Variants in DRC10 observed in about 807,000 individuals in gnomAD.
The protein encoded by DRC10 is dynein regulatory complex subunit 10.
the DRC10 span, among the ~76,000 whole-genome samples, chr12:113,211,588 C>T: frequency 6.6e-6 from 1 of 151,352 alleles, no homozygotes; most frequent in East Asian, 2.0e-4. Flanking sequence ...ATGATCAGGC[C>T]ACTGCATTCC....
chr12:113,211,207 G>A, the DRC10 span, among the ~76,000 whole-genome samples: 1 of 152,082 alleles, frequency 6.6e-6, no homozygotes, highest in Admixed American at 6.6e-5. Context: ...TCATGCTCCC[G>A]AGTAGCTGAT....
chr12:113,200,947 T>C, the DRC10 span: 1 of 617,622 alleles, frequency 1.6e-6, no homozygotes, highest in Non-Finnish European at 2.8e-6. Flanking sequence ...GAGACCAGCC[T>C]GGCTAACATG....
chr12:113,203,204 A>C, the DRC10 span: 2 of 325,834 alleles, frequency 6.1e-6, no homozygotes, highest in Admixed American at 3.8e-5. Flanking sequence ...TTTGTCTTTT[A>C]CGTAGAGACA....
the DRC10 span, among the ~76,000 whole-genome samples, chr12:113,201,397 A>G: frequency 6.6e-6 from 1 of 152,198 alleles, no homozygotes; most frequent in South Asian, 2.1e-4. Context: ...GTTCTTGGCC[A>G]CCACTTTCTA....
chr12:113,211,506 G>GT, the DRC10 span, among the ~76,000 whole-genome samples: 1 of 152,116 alleles, frequency 6.6e-6, no homozygotes, highest in African/African-American at 2.4e-5. Flanking sequence ...GTTCACGCCC[G>GT]TAATCCCAAC....
the DRC10 span, chr12:113,200,717 C>T: frequency 1.3e-6 from 2 of 1,536,206 alleles, no homozygotes; most frequent in Non-Finnish European, 1.7e-6. Flanking sequence ...TGCTTCTCAG[C>T]CTCCTGCTTA....
chr12:113,212,136 T>A, the DRC10 span, among the ~76,000 whole-genome samples: 1 of 151,608 alleles, frequency 6.6e-6, no homozygotes, highest in South Asian at 2.1e-4. Context: ...AATGGTGTGA[T>A]TTGGGCTCAC....
chr12:113,207,595 C>A, the DRC10 span: 1 of 1,614,162 alleles, frequency 6.2e-7, no homozygotes, highest in Admixed American at 1.7e-5. Context: ...CAGGAAACCA[C>A]GGAGCTCTAT....
At chr12:113,207,292 G>C in the DRC10 span, 2 of 749,110 alleles carry the variant, frequency 2.7e-6, no homozygotes, top group Non-Finnish European at 4.8e-6. Context: ...AGGTTGCAGT[G>C]AGTCGAGATT....
chr12:113,218,069 A>G, the DRC10 span, among the ~76,000 whole-genome samples: 9 of 152,102 alleles, frequency 5.9e-5, no homozygotes, highest in Non-Finnish European at 5.9e-5. Flanking sequence ...AATTGGCAGG[A>G]TAGTTCCCCA....
At chr12:113,202,935 T>A in the DRC10 span, 1 of 392,818 alleles carries the variant, frequency 2.5e-6, no homozygotes. Flanking sequence ...CACAGGGTTT[T>A]TGTAAAGATT....
At chr12:113,207,570 G>A in the DRC10 span, 2 of 1,614,122 alleles carry the variant, frequency 1.2e-6, no homozygotes, top group Non-Finnish European at 1.7e-6. Context: ...TGGGACTAGT[G>A]AGTAGTTTTT....
the DRC10 span, among the ~76,000 whole-genome samples, chr12:113,202,268 C>T: frequency 6.6e-6 from 1 of 151,448 alleles, no homozygotes. Context: ...CCCCTCAAGA[C>T]CACACAAATC....
the DRC10 span, among the ~76,000 whole-genome samples, chr12:113,220,522 G>C: frequency 6.6e-6 from 1 of 152,130 alleles, no homozygotes; most frequent in African/African-American, 2.4e-5. Flanking sequence ...CCAAAGTGCT[G>C]GGATTACAGG....
the DRC10 span, among the ~76,000 whole-genome samples, chr12:113,217,068 A>G: frequency 1.3e-5 from 2 of 152,282 alleles, no homozygotes; most frequent in African/African-American, 4.8e-5. Context: ...CAGCCTGGGC[A>G]ACAGAGAAAG....
chr12:113,217,641 C>T, the DRC10 span, among the ~76,000 whole-genome samples: 2 of 152,196 alleles, frequency 1.3e-5, no homozygotes. Context: ...AAGCAATTCT[C>T]GTGCCTCAGC....
chr12:113,203,086 T>A, the DRC10 span: 1 of 449,864 alleles, frequency 2.2e-6, no homozygotes, highest in South Asian at 1.6e-5. Flanking sequence ...AGTACAGTGG[T>A]GCGATCTCAG....
chr12:113,210,122 T>C, the DRC10 span, among the ~76,000 whole-genome samples: 3 of 152,226 alleles, frequency 2.0e-5, no homozygotes, highest in Non-Finnish European at 2.9e-5. Flanking sequence ...GGCAACAGAA[T>C]GAGACTCTGT....
chr12:113,209,026 G>T, the DRC10 span, among the ~76,000 whole-genome samples: 1 of 152,122 alleles, frequency 6.6e-6, no homozygotes, highest in Non-Finnish European at 1.5e-5. Context: ...CTGCCTCCTG[G>T]GTTCAAGTGA....
Sources: gnomAD v4.1 joint callset for allele counts (sites outside exome capture counted in the v4.1 genomes callset) on GRCh38, gnomAD v4.1.1 for gene constraint, MANE v1.5 for transcripts, NCBI Gene and HGNC (gene_info 2026-07-23, HGNC 2026-07-21) for gene names.